Variants in BLTP3A observed in about 807,000 individuals in gnomAD.
BLTP3A encodes the protein bridge-like lipid transfer protein family member 3A.
chr6:34,817,051 G>C, the BLTP3A span, among the ~76,000 whole-genome samples: 1 of 152,192 alleles, frequency 6.6e-6, no homozygotes, highest in South Asian at 2.1e-4. Context: ...TACAAATAAT[G>C]TTGAGTTCTG....
the BLTP3A span, chr6:34,858,955 C>T: frequency 2.5e-6 from 4 of 1,614,148 alleles, no homozygotes; most frequent in Admixed American, 1.7e-5. Context: ...CCTGCAGAAT[C>T]AGACAGCTTG....
the BLTP3A span, among the ~76,000 whole-genome samples, chr6:34,829,277 C>T: frequency 3.3e-5 from 5 of 152,042 alleles, no homozygotes; most frequent in Non-Finnish European, 5.9e-5. Context: ...CTGCCTTAGC[C>T]CTAGGCAACC....
At chr6:34,796,997 C>G in the BLTP3A span, among the ~76,000 whole-genome samples, 3 of 152,242 alleles carry the variant, frequency 2.0e-5, no homozygotes, top group Non-Finnish European at 4.4e-5. Context: ...GCCACTGCGC[C>G]CGGCCCTGAG....
the BLTP3A span, chr6:34,864,013 C>A: frequency 6.2e-7 from 1 of 1,607,370 alleles, no homozygotes; most frequent in Non-Finnish European, 8.5e-7. Flanking sequence ...GAGCCCATGG[C>A]CAAGACAGAT....
At chr6:34,793,340 G>C in the BLTP3A span, among the ~76,000 whole-genome samples, 1 of 152,182 alleles carries the variant, frequency 6.6e-6, no homozygotes, top group African/African-American at 2.4e-5. Flanking sequence ...ATCTCAAGTA[G>C]AGAGTGACCC....
the BLTP3A span, chr6:34,858,177 C>G: frequency 6.2e-7 from 1 of 1,614,100 alleles, no homozygotes; most frequent in African/African-American, 1.3e-5. Context: ...GTCCCCAGGC[C>G]CTTGTCTTCT....
the BLTP3A span, among the ~76,000 whole-genome samples, chr6:34,838,222 A>T: frequency 2.0e-5 from 3 of 152,244 alleles, no homozygotes; most frequent in Non-Finnish European, 2.9e-5. Context: ...TTCTTACATT[A>T]TGATTGTGAG....
the BLTP3A span, among the ~76,000 whole-genome samples, chr6:34,811,111 A>G: frequency 1.3e-5 from 2 of 152,230 alleles, no homozygotes; most frequent in African/African-American, 4.8e-5. Context: ...GCGTGGTGAC[A>G]TTGGCAGTCT....
chr6:34,836,306 C>T, the BLTP3A span: 1 of 1,614,214 alleles, frequency 6.2e-7, no homozygotes, highest in South Asian at 1.1e-5. Flanking sequence ...CATCTCCCGC[C>T]TGGACCTGCA....
the BLTP3A span, chr6:34,858,909 G>A: frequency 1.2e-6 from 2 of 1,614,180 alleles, no homozygotes. Flanking sequence ...TTCAGGAGCA[G>A]CTGACTAAGG....
chr6:34,816,795 C>T, the BLTP3A span, among the ~76,000 whole-genome samples: 2 of 152,076 alleles, frequency 1.3e-5, no homozygotes, highest in Non-Finnish European at 2.9e-5. Flanking sequence ...AGAATCTGTG[C>T]GGTTGGACAG....
At chr6:34,806,190 A>G in the BLTP3A span, among the ~76,000 whole-genome samples, 267 of 152,348 alleles carry the variant, frequency 1.8e-3, 1 homozygote, top group African/African-American at 6.0e-3. Flanking sequence ...GTCATTAAGC[A>G]TTAATTGAGC....
the BLTP3A span, among the ~76,000 whole-genome samples, chr6:34,855,464 C>G: frequency 6.6e-6 from 1 of 152,216 alleles, no homozygotes; most frequent in Admixed American, 6.5e-5. Flanking sequence ...GGGCCTCAGC[C>G]TTGCAAATCA....
At chr6:34,836,386 C>T in the BLTP3A span, 30 of 1,586,578 alleles carry the variant, frequency 1.9e-5, no homozygotes, top group Admixed American at 1.0e-4. Flanking sequence ...GGGTGGTCCA[C>T]GTCACTGTCT....
the BLTP3A span, among the ~76,000 whole-genome samples, chr6:34,844,396 TC>T: frequency 6.6e-6 from 1 of 152,166 alleles, no homozygotes; most frequent in Non-Finnish European, 1.5e-5. Flanking sequence ...TGCCTCACCC[TC>T]CCGAGTAGCT....
At chr6:34,829,006 G>A in the BLTP3A span, among the ~76,000 whole-genome samples, 60,626 of 128,102 alleles carry the variant, frequency 0.47, 15,115 homozygotes, top group African/African-American at 0.71. Flanking sequence ...CAGCCTGGGC[G>A]ACAAGAGTGA....
chr6:34,859,279 C>T, the BLTP3A span: 1 of 1,613,710 alleles, frequency 6.2e-7, no homozygotes, highest in Non-Finnish European at 8.5e-7. Context: ...AGTAGAGTCC[C>T]TACAGGCCAA....
At chr6:34,813,584 T>C in the BLTP3A span, among the ~76,000 whole-genome samples, 1 of 152,214 alleles carries the variant, frequency 6.6e-6, no homozygotes, top group Non-Finnish European at 1.5e-5. Context: ...TCCCACATAC[T>C]TGAAGTGGAA....
the BLTP3A span, chr6:34,857,205 A>G: frequency 8.1e-7 from 1 of 1,235,378 alleles, no homozygotes; most frequent in Non-Finnish European, 1.1e-6. Context: ...AATATATGTG[A>G]AAGACACTGT....
Sources: allele counts gnomAD v4.1 joint callset (sites outside exome capture counted in the v4.1 genomes callset), GRCh38; gene constraint gnomAD v4.1.1; transcripts MANE v1.5; gene names NCBI Gene and HGNC (gene_info 2026-07-23, HGNC 2026-07-21).